SVIL: variants seen among roughly 807,000 people sequenced by gnomAD.
SVIL encodes the protein supervillin.
A neutral mutation model predicts 240.4 loss-of-function variants in SVIL; 101 were observed. The observed-to-expected ratio is 0.42, with a 90% CI of 0.36 to 0.50. The LOEUF (loss-of-function observed/expected upper bound fraction) is 0.50. Among genes scored for constraint, SVIL ranks in the 20% least tolerant of loss-of-function variants. SVIL has a pLI of 0.01. For synonymous variants in SVIL, 999 were observed against 1,100.0 expected (o/e 0.91, Z 1.82); for missense variants, 2,512 against 2,818.7 (o/e 0.89, Z 2.46).
intron 1 of SVIL, among the ~76,000 whole-genome samples, chr10:29,611,063 T>C (rs1957227307): frequency 6.6e-6 from 1 of 152,140 alleles, no homozygotes; most frequent in African/African-American, 2.4e-5. Flanking sequence ...TCTAGTTGCC[T>C]TTTTGGATAC....
intron 1 of SVIL, among the ~76,000 whole-genome samples, chr10:29,610,867 C>T (rs1361297651): frequency 6.6e-6 from 1 of 152,178 alleles, no homozygotes; most frequent in Non-Finnish European, 1.5e-5. Flanking sequence ...CTGTGCAGTG[C>T]ATCACTTGTG....
chr10:29,526,232 T>C (rs1273861608), intron 13 of SVIL, among the ~76,000 whole-genome samples: 1 of 152,140 alleles, frequency 6.6e-6, no homozygotes, highest in Non-Finnish European at 1.5e-5. Context: ...TGAAAAAGAC[T>C]GGGTCTTATC....
At chr10:29,518,656 C>T (rs1950369845) in intron 16 of SVIL, among the ~76,000 whole-genome samples, 1 of 152,108 alleles carries the variant, frequency 6.6e-6, no homozygotes, top group African/African-American at 2.4e-5. Context: ...AGGCATTCGA[C>T]ACCAGCGTAG....
At chr10:29,511,792 GGA>G (rs1949859710) in intron 17 of SVIL, among the ~76,000 whole-genome samples, 1 of 152,144 alleles carries the variant, frequency 6.6e-6, no homozygotes, top group Non-Finnish European at 1.5e-5. Context: ...AAGTATCAGA[GGA>G]AATAGTGTCA....
At chr10:29,530,289 ATTG>A (rs1478258301) in intron 11 of SVIL, among the ~76,000 whole-genome samples, 1 of 138,582 alleles carries the variant, frequency 7.2e-6, no homozygotes, top group Non-Finnish European at 1.7e-5. Flanking sequence ...AGCACCTCGT[ATTG>A]TTGTCAGAAG....
intron 6 of SVIL, chr10:29,544,953 T>C: frequency 3.8e-6 from 2 of 531,748 alleles, no homozygotes; most frequent in Middle Eastern, 3.2e-4. Context: ...GAATAAGCTG[T>C]GAGGAGGACC....
intron 2 of SVIL, among the ~76,000 whole-genome samples, chr10:29,670,704 C>T (rs1253000487): frequency 6.6e-6 from 1 of 152,068 alleles, no homozygotes; most frequent in African/African-American, 2.4e-5. Context: ...AGGCCAGAAA[C>T]AACAAGAGAA....
intron 6 of SVIL, among the ~76,000 whole-genome samples, chr10:29,538,437 T>C (rs967019056): frequency 6.6e-6 from 1 of 152,238 alleles, no homozygotes; most frequent in African/African-American, 2.4e-5. Context: ...AGTCTCCGAC[T>C]TAAAATGGTT....
At chr10:29,701,040 C>T (rs1024858481) in intron 1 of SVIL, among the ~76,000 whole-genome samples, 1 of 152,140 alleles carries the variant, frequency 6.6e-6, no homozygotes, top group African/African-American at 2.4e-5. Flanking sequence ...AGTGTGCACA[C>T]AGGTATGGAT....
chr10:29,546,415 A>G (rs1268655641), intron 6 of SVIL, among the ~76,000 whole-genome samples: 1 of 152,246 alleles, frequency 6.6e-6, no homozygotes, highest in African/African-American at 2.4e-5. Context: ...CTGGGCATCT[A>G]ACAGGATTTC....
chr10:29,597,517 A>G (rs1956642479), intron 1 of SVIL, among the ~76,000 whole-genome samples: 1 of 152,122 alleles, frequency 6.6e-6, no homozygotes, highest in South Asian at 2.1e-4. Flanking sequence ...TCCTGGGTTC[A>G]GCCTCACGAG....
intron 1 of SVIL, among the ~76,000 whole-genome samples, chr10:29,632,798 C>T (rs527763142): frequency 5.3e-5 from 8 of 151,880 alleles, no homozygotes; most frequent in African/African-American, 1.9e-4. Flanking sequence ...TGTATAACAT[C>T]AGCCTCATCC....
intron 6 of SVIL, among the ~76,000 whole-genome samples, chr10:29,547,016 T>A (rs1361699264): frequency 7.2e-5 from 11 of 152,228 alleles, no homozygotes; most frequent in Non-Finnish European, 1.6e-4. Context: ...CCATATCAGA[T>A]GACATTATTA....
rs554677451 is a variant in SVIL at position 29,517,171 on chromosome 10, G to T, written c.3390-4310C>A. 3.5e-4 allele frequency among the ~76,000 whole-genome samples: 54 copies of T among 152,280 alleles called. 1 individual carries two copies. In the East Asian group the frequency reaches 0.01, roughly 28 times the overall value. On this transcript the variant is annotated intron_variant, in intron 16 of 37. Transcript: ENST00000355867. Reference sequence around the variant, plus strand: ...TCACACCTGTAATCCCAGCACTTTGGAAGGCTGAGGTGGGAGGATCGCTTG... The same window carrying T: ...TCACACCTGTAATCCCAGCACTTTGTAAGGCTGAGGTGGGAGGATCGCTTG...
Position 29,458,056 on chromosome 10 carries a change from C to T in SVIL, c.*191G>A. 5.1e-6 allele frequency: 3 copies of T among 585,252 alleles called. No homozygotes were observed. Among genetic ancestry groups the T allele is most frequent in the Non-Finnish European group, 8.7e-6 (3 of 343,150 alleles). 36.3% of individuals were successfully genotyped at this position (585,252 alleles called of 1,614,324 possible). On this transcript the variant is annotated 3_prime_UTR_variant, in exon 38 of 38. Transcript: ENST00000355867. ...CCTCCTGAATGGTGGAAAGAAGTTT[C>T]CAAACAGTTCCCTTGAACATTTACA... is the stretch of plus-strand genomic sequence containing the variant.
chr10:29,724,043 A>G (rs1964139125), intron 1 of SVIL, among the ~76,000 whole-genome samples: 1 of 152,204 alleles, frequency 6.6e-6, no homozygotes. Context: ...GAACGGGTTT[A>G]TAAATTGTAG....
chr10:29,675,159 C>T (rs1358995451), intron 2 of SVIL, among the ~76,000 whole-genome samples: 2 of 152,186 alleles, frequency 1.3e-5, no homozygotes, highest in Non-Finnish European at 2.9e-5. Flanking sequence ...TGAGCCCAGT[C>T]CACATGCATG....
In SVIL at chr10:29,480,796, A is replaced by G; in HGVS notation, c.5118T>C (p.Asp1706=). The change falls in exon 29 of 38, where the codon GAT becomes GAC. Residue 1706 remains aspartate (D), a synonymous_variant. Coordinates refer to ENST00000355867, the MANE Select transcript of SVIL (RefSeq NM_021738.3). ...TCCGTGTCACATCGTATGCCTTGAC[A>G]TCAGTCCTGGGGTCTTCCTACAGGG... ...LAQHKEDPRT[D]VKAYDVTRMV... 2 of 1,610,868 alleles carry G rather than the reference A, an allele frequency of 1.2e-6. No individual in the cohort carries two copies.
At chr10:29,506,698 C>CTTAGTGGGAGGGGACAGAGGG (rs1564535124) in intron 17 of SVIL, among the ~76,000 whole-genome samples, 9 of 108,186 alleles carry the variant, frequency 8.3e-5, no homozygotes, top group Middle Eastern at 5.1e-3. Context: ...GGGACAGAGG[C>CTTAGTGGGAGGGGACAGAGGG]CCTACGAGGG....
Sources: allele counts gnomAD v4.1 joint callset (sites outside exome capture counted in the v4.1 genomes callset), GRCh38; gene constraint gnomAD v4.1.1; transcripts MANE v1.5; gene names NCBI Gene and HGNC (gene_info 2026-07-23, HGNC 2026-07-21).